Variants in LRP1 observed in about 807,000 individuals in gnomAD.
LRP1 encodes the protein prolow-density lipoprotein receptor-related protein 1.
A neutral mutation model predicts 541.5 loss-of-function variants in LRP1; 51 were observed. That is an observed-to-expected ratio of 0.09 (90% CI 0.08 to 0.12). The LOEUF is 0.12. Among genes scored for constraint, LRP1 ranks in the 10% least tolerant of loss-of-function variants. The pLI is 1.00. For missense variants in LRP1, 3,878 were observed against 6,376.2 expected, an observed-to-expected ratio of 0.61 and a Z score of 13.34; for synonymous variants, 2,219 against 2,470.8, an observed-to-expected ratio of 0.90 and a Z score of 3.02.
intron 55 of LRP1, 47 bp downstream of exon 55, chr12:57,196,324 G>A (rs746889761): frequency 6.0e-5 from 88 of 1,470,608 alleles, no homozygotes; most frequent in Non-Finnish European, 7.8e-5. Flanking sequence ...GACGTGCCAG[G>A]AACGCCTTTC....
chr12:57,200,197 C>T (rs556049980), intron 62 of LRP1, 172 bp downstream of exon 62: 21 of 644,836 alleles, frequency 3.3e-5, no homozygotes, highest in South Asian at 2.1e-4. Flanking sequence ...CTTTTACCCC[C>T]GTCACCTCAC....
rs1342413677 is a variant in LRP1, at chr12:57,158,341, C to G, written c.1562-61C>G. 7.1e-7 allele frequency: 1 copy of G among 1,406,638 alleles called. No individual in the cohort carries two copies. Among genetic ancestry groups the G allele is most frequent in the African/African-American group, 1.4e-5 (1 of 70,444 alleles). 87.1% of individuals were successfully genotyped at this position (1,406,638 alleles called of 1,614,324 possible). ...GCATTGCAGCCCCTTGGCCGCAGCC[C>G]CTGGGTGGGGATGATGGTCATGTGT... is the stretch of plus-strand genomic sequence containing the variant. On this transcript the variant is annotated intron_variant, in intron 10 of 88. Transcript: ENST00000243077. The surrounding 1 kb of genome is among the most constrained non-coding windows in gnomAD (Gnocchi z 5.3).
At position 57,195,417 on chromosome 12, in the gene LRP1, G is replaced by T. The variant is rs375066294; in HGVS notation, c.8437+18G>T. 4 of 1,599,830 alleles carry T rather than the reference G, an allele frequency of 2.5e-6. No individual in the cohort carries two copies. The highest frequency in any genetic ancestry group is 3.4e-6 in the Non-Finnish European group (4 of 1,177,878). ...TGGTTGCTGTGAGTGGCGGGGCCAC[G>T]TGGAGCGGGTGGACAGCAAATGGCC... is the stretch of plus-strand genomic sequence containing the variant. On this transcript the variant is annotated intron_variant, in intron 52 of 88. Coordinates refer to ENST00000243077, the MANE Select transcript of LRP1 (RefSeq NM_002332.3).
intron 24 of LRP1, 38 bp downstream of exon 24, chr12:57,176,144 C>A: frequency 1.2e-6 from 2 of 1,608,078 alleles, no homozygotes; most frequent in Non-Finnish European, 1.7e-6. Flanking sequence ...TGCACACAGG[C>A]GGAGCGCTCA....
intron 6 of LRP1, among the ~76,000 whole-genome samples, chr12:57,152,724 C>T (rs868278128): frequency 2.0e-5 from 3 of 152,052 alleles, no homozygotes; most frequent in Admixed American, 6.5e-5. Flanking sequence ...GGTAATACCT[C>T]GTCTCTGTGG....
chr12:57,148,655 A>G (rs554089087), intron 6 of LRP1, among the ~76,000 whole-genome samples: 1 of 152,304 alleles, frequency 6.6e-6, no homozygotes, highest in South Asian at 2.1e-4. Context: ...AATGAGGCAG[A>G]CTGCAAGATT....
chr12:57,165,417 A>T lies in LRP1; in HGVS notation c.2531-388A>T, dbSNP rs1453753489. ...CTGGTGGGACCGATGAAACTGTGAA[A>T]TAAAAAGTCCAGGGACCGGGGCAGG... is the stretch of plus-strand genomic sequence containing the variant. On this transcript the variant is annotated intron_variant, in intron 15 of 88. Coordinates refer to ENST00000243077, the MANE Select transcript of LRP1 (RefSeq NM_002332.3). The surrounding 1 kb of genome is among the most constrained non-coding windows in gnomAD (Gnocchi z 4.5). 5.7e-6 allele frequency: 1 copy of T among 176,740 alleles called. No homozygotes were observed. 10.9% of individuals were successfully genotyped at this position (176,740 alleles called of 1,614,324 possible).
In LRP1 at chr12:57,211,720, C is replaced by A; in HGVS notation, c.13194-30C>A. ...GGCAGCAGTGGCTATGGAGGTTATA[C>A]CTACTCAGCCGTGTCCCTCCTTTCT... is the stretch of plus-strand genomic sequence containing the variant. On this transcript the variant is annotated intron_variant, in intron 85 of 88. Transcript: ENST00000243077. This position sits in a 1 kb window ranked among gnomAD's most constrained non-coding sequence, Gnocchi z 4.3. 6.2e-7 allele frequency: 1 copy of A among 1,611,216 alleles called. No homozygotes were observed.
rs781271528 is a variant in LRP1 at position 57,199,870 on chromosome 12, C to T, written c.9866-7C>T. ...GTCACCATATTTCACGACGTTTTCT[C>T]TGGCAGTGCCCAATCACCCCTGCAA... On this transcript the variant is annotated splice_region_variant and splice_polypyrimidine_tract_variant and intron_variant, in intron 61 of 88. Coordinates refer to ENST00000243077, the MANE Select transcript of LRP1 (RefSeq NM_002332.3). 1 of 1,579,644 alleles carries T rather than the reference C, an allele frequency of 6.3e-7. No homozygotes were observed. The highest frequency in any genetic ancestry group is 8.6e-7 in the Non-Finnish European group (1 of 1,166,474).
rs191400168 is a variant in LRP1, at chr12:57,212,411, G to A, written c.13495-4G>A. ...CCCTACCTGAACCCTCTGTCACCCT[G>A]CAGCCCACCAACTTCACCAACCCCG... On this transcript the variant is annotated splice_polypyrimidine_tract_variant and splice_region_variant and intron_variant, in intron 88 of 88. Coordinates refer to ENST00000243077, the MANE Select transcript of LRP1 (RefSeq NM_002332.3). The surrounding 1 kb of genome is among the most constrained non-coding windows in gnomAD (Gnocchi z 5.0). The A allele has an allele frequency of 7.7e-5, 124 of 1,613,936 alleles. No homozygotes were observed. Among genetic ancestry groups the A allele is most frequent in the Admixed American group, 1.5e-4 (9 of 59,998 alleles).
chr12:57,182,092 T>A (rs1174664904), intron 34 of LRP1, among the ~76,000 whole-genome samples: 1 of 152,152 alleles, frequency 6.6e-6, no homozygotes, highest in African/African-American at 2.4e-5. Flanking sequence ...ACTTGACCAT[T>A]CATTTTTTTT....
Position 57,200,549 on chromosome 12 carries a change from G to A in LRP1, c.10108+14G>A, listed in dbSNP as rs1227860961. 2 of 1,611,054 alleles carry A rather than the reference G, an allele frequency of 1.2e-6. No homozygotes were observed. Among genetic ancestry groups the A allele is most frequent in the Middle Eastern group, 3.3e-4 (2 of 6,058 alleles). ...CCCCGGACTGCCGTGAGTGCCTGCT[G>A]GGGGTGACAGGAGGGCCCCCAGCTG... On this transcript the variant is annotated intron_variant, in intron 63 of 88. Coordinates refer to ENST00000243077, the MANE Select transcript of LRP1 (RefSeq NM_002332.3).
chr12:57,211,415 G>C lies in LRP1; in HGVS notation c.13091+65G>C. The C allele has an allele frequency of 6.2e-7, 1 of 1,608,330 alleles. No homozygotes were observed. Among genetic ancestry groups the C allele is most frequent in the East Asian group, 2.2e-5 (1 of 44,840 alleles). On this transcript the variant is annotated intron_variant, in intron 84 of 88. Coordinates refer to ENST00000243077, the MANE Select transcript of LRP1 (RefSeq NM_002332.3). The surrounding 1 kb of genome is among the most constrained non-coding windows in gnomAD (Gnocchi z 4.3). ...CCCTGCCCTGTCCTAGCCCTGCCCT[G>C]CCCCTCCCTTCCTCAGCATCCCAGG...
chr12:57,209,888 T>G lies in LRP1; in HGVS notation c.12439+20T>G. On this transcript the variant is annotated intron_variant, in intron 80 of 88. Transcript: ENST00000243077. ...CCGAAGGTGGGGGCAGAGGGGAGCC[T>G]GGGCTGGGGAAGGGAGGCCTGTGGG... is the stretch of plus-strand genomic sequence containing the variant. The G allele has an allele frequency of 6.2e-7, 1 of 1,610,734 alleles. No individual in the cohort carries two copies. Among genetic ancestry groups the G allele is most frequent in the Non-Finnish European group, 8.5e-7 (1 of 1,178,222 alleles).
At position 57,185,719 on chromosome 12, in the gene LRP1, C is replaced by T. The variant is rs776635866; in HGVS notation, c.6652C>T (p.Arg2218Cys). 3.7e-5 allele frequency: 59 copies of T among 1,614,046 alleles called. No homozygotes were observed. The highest frequency in any genetic ancestry group is 4.7e-5 in the Non-Finnish European group (56 of 1,180,042). ...ILKSIHLSDE[R>C]NLNAPVQPFE... ...CAAGAGTATCCACCTGTCGGATGAG[C>T]GCAACCTCAATGCGCCCGTGCAGCC... Residue 2218 changes from arginine to cysteine, a missense_variant, in exon 41 of 89, where the codon CGC (arginine) becomes TGC (cysteine). By Grantham distance (180) the Arg-to-Cys change is radical (BLOSUM62 -3). Around this residue, in one of 13 missense-constraint regions of LRP1, gnomAD observed 1,100 missense variants for 1,827.4 expected, o/e 0.60. Transcript: ENST00000243077. The surrounding 1 kb of genome is among the most constrained non-coding windows in gnomAD (Gnocchi z 4.9).
In LRP1 at chr12:57,181,259, A is replaced by G; in HGVS notation, c.5630A>G (p.Tyr1877Cys). The change falls in exon 34 of 89, where the codon TAT becomes TGT. Residue 1877 changes from tyrosine (Y) to cysteine (C), a missense_variant. This residue lies in a region of LRP1 where 394 missense variants were observed against 635.9 expected (regional missense o/e 0.62). Transcript: ENST00000243077. ...TTRSCMCTAG[Y>C]SLRSGQQACE... The stretch of plus-strand genomic sequence containing the variant: ...CGCTCCTGCATGTGCACAGCCGGCT[A>G]TAGCCTCCGGAGTGGCCAGCAGGCC... The G allele has an allele frequency of 6.2e-7, 1 of 1,613,440 alleles. No homozygotes were observed. Among genetic ancestry groups the G allele is most frequent in the Admixed American group, 1.7e-5 (1 of 60,020 alleles).
At chr12:57,155,677 G>C in intron 8 of LRP1, 1 of 161,318 alleles carries the variant, frequency 6.2e-6, no homozygotes, top group Middle Eastern at 3.1e-3. Flanking sequence ...GGCCAGGCAC[G>C]GTAGCCCACA....
Position 57,205,657 on chromosome 12 carries a change from A to C in LRP1, c.11570A>C (p.His3857Pro). The C allele has an allele frequency of 6.2e-7, 1 of 1,612,540 alleles. No individual in the cohort carries two copies. The highest frequency in any genetic ancestry group is 1.1e-5 in the South Asian group (1 of 91,092). ...CSCARNFMKT[H>P]NTCKAEGSEY... The stretch of plus-strand genomic sequence containing the variant: ...TGCGCTCGGAACTTCATGAAGACGC[A>C]CAACACCTGCAAGGCCGAAGGTGCC... Residue 3857 changes from histidine (H) to proline (P), a missense_variant, in exon 75 of 89, where the codon CAC becomes CCC. Transcript: ENST00000243077. This position sits in a 1 kb window ranked among gnomAD's most constrained non-coding sequence, Gnocchi z 4.6.
In LRP1 at chr12:57,179,439, G is replaced by A. The variant is rs371975627; in HGVS notation, c.4849G>A (p.Val1617Ile). The change falls in exon 29 of 89, where the codon GTC (valine) becomes ATC (isoleucine). Residue 1617 changes from valine (V) to isoleucine (I), a missense_variant. Physicochemically the swap from Val to Ile is conservative, Grantham distance 29. This residue lies in a region of LRP1 where 394 missense variants were observed against 635.9 expected (regional missense o/e 0.62). Transcript: ENST00000243077. The surrounding 1 kb of genome is among the most constrained non-coding windows in gnomAD (Gnocchi z 6.8). ...CTTCACGGTGCCCGACATCGACAAC[G>A]TCACAGTGCTAGACTACGATGCCCG... is the stretch of plus-strand genomic sequence containing the variant. ...ISFTVPDIDN[V>I]TVLDYDAREQ... 10 of 1,614,122 alleles carry A rather than the reference G, an allele frequency of 6.2e-6. No individual in the cohort carries two copies. The highest frequency in any genetic ancestry group is 1.1e-5 in the South Asian group (1 of 91,092).
Sources: allele counts gnomAD v4.1 joint callset (sites outside exome capture counted in the v4.1 genomes callset), GRCh38; gene constraint gnomAD v4.1.1; regional missense constraint gnomAD v4.1.1; non-coding constraint Gnocchi (gnomAD v3.1); transcripts MANE v1.5; gene names NCBI Gene and HGNC (gene_info 2026-07-23, HGNC 2026-07-21).